TBC1D22B: variants seen among roughly 807,000 people sequenced by gnomAD.
The protein encoded by TBC1D22B is TBC1 domain family member 22B, also known as chromosome 6 open reading frame 197.
Under a neutral mutation model 69.1 loss-of-function variants are expected in TBC1D22B, and 32 were observed. The observed-to-expected ratio is 0.46, with a 90% CI of 0.35 to 0.62. The LOEUF is 0.62. Ranked by LOEUF, TBC1D22B falls within the 20% of genes least tolerant of loss-of-function variation. The pLI is 0.00. For missense variants in TBC1D22B, 462 were observed against 630.9 expected (o/e 0.73, Z 2.87); for synonymous variants, 206 against 229.8 (o/e 0.90, Z 0.94).
chr6:37,269,314 C>G (rs1021773210), intron 1 of TBC1D22B, among the ~76,000 whole-genome samples: 5 of 152,320 alleles, frequency 3.3e-5, no homozygotes, highest in African/African-American at 1.2e-4. Context: ...TCTGCTCTCT[C>G]CAGCTCTAAA....
intron 2 of TBC1D22B, among the ~76,000 whole-genome samples, chr6:37,272,738 A>G (rs1702035334): frequency 6.6e-6 from 1 of 152,192 alleles, no homozygotes; most frequent in Non-Finnish European, 1.5e-5. Flanking sequence ...TGATCGTCCC[A>G]TTAAATAGAA....
At chr6:37,266,140 A>T (rs1766262988) in intron 1 of TBC1D22B, among the ~76,000 whole-genome samples, 1 of 152,126 alleles carries the variant, frequency 6.6e-6, no homozygotes, top group East Asian at 1.9e-4. Flanking sequence ...AAACCTTCTA[A>T]CCTTCTCAAG....
intron 7 of TBC1D22B, among the ~76,000 whole-genome samples, chr6:37,287,580 C>T (rs575446532): frequency 2.0e-5 from 3 of 152,188 alleles, no homozygotes; most frequent in Non-Finnish European, 4.4e-5. Flanking sequence ...CTATTTGTCT[C>T]TAAGAATTTG....
At chr6:37,259,460 TAATC>T (rs1229748246) in intron 1 of TBC1D22B, among the ~76,000 whole-genome samples, 1 of 152,056 alleles carries the variant, frequency 6.6e-6, no homozygotes, top group South Asian at 2.1e-4. Flanking sequence ...ATTATAATCA[TAATC>T]AATAGGAAGA....
rs1466666418 is a variant in TBC1D22B at position 37,275,705 on chromosome 6, CTGGTG to C, written c.114-3598_114-3594del. Among the ~76,000 whole-genome samples the C allele has an allele frequency of 1.7e-3, 259 of 152,170 alleles. 1 individual carries two copies. The highest frequency in any genetic ancestry group is 6.0e-3 in the African/African-American group (250 of 41,522). On this transcript the variant is annotated intron_variant, in intron 2 of 12. Transcript: ENST00000373491. Reference sequence around the variant, plus strand: ...TATATATTAAAATTTAGCATAGGGTCTGGTGAGTATTCAATATTTATGAATATTAT... The same window carrying C: ...TATATATTAAAATTTAGCATAGGGTCAGTATTCAATATTTATGAATATTAT...
intron 1 of TBC1D22B, among the ~76,000 whole-genome samples, chr6:37,267,909 G>A (rs1174869031): frequency 6.6e-6 from 1 of 152,138 alleles, no homozygotes; most frequent in Non-Finnish European, 1.5e-5. Context: ...AGTAAAAGAT[G>A]AAGAAGTCAA....
chr6:37,326,707 G>C (rs1195621477), intron 12 of TBC1D22B, among the ~76,000 whole-genome samples: 1 of 152,088 alleles, frequency 6.6e-6, no homozygotes. Context: ...AGAATTGCTT[G>C]AACCTGGGAG....
At chr6:37,275,215 T>C (rs1766631651) in intron 2 of TBC1D22B, among the ~76,000 whole-genome samples, 1 of 152,184 alleles carries the variant, frequency 6.6e-6, no homozygotes, top group Non-Finnish European at 1.5e-5. Context: ...CTGCAACTAC[T>C]GGGGTCAACA....
At chr6:37,325,504 A>C (rs1768363490) in intron 12 of TBC1D22B, among the ~76,000 whole-genome samples, 1 of 147,930 alleles carries the variant, frequency 6.8e-6, no homozygotes, top group Non-Finnish European at 1.5e-5. Context: ...ATTTGTGATT[A>C]GCACCTTCAT....
chr6:37,270,901 C>A (rs1766465039), intron 2 of TBC1D22B, among the ~76,000 whole-genome samples: 1 of 151,962 alleles, frequency 6.6e-6, no homozygotes, highest in African/African-American at 2.4e-5. Flanking sequence ...CTGGAAAAGG[C>A]AAAACATGGA....
intron 5 of TBC1D22B, 105 bp from the exon 6 acceptor site, chr6:37,284,231 G>C: frequency 6.4e-7 from 1 of 1,569,870 alleles, no homozygotes; most frequent in East Asian, 2.3e-5. Flanking sequence ...ACCCTTGGCA[G>C]TTTTCCTTCT....
At chr6:37,301,954 T>C (rs1767584958) in intron 8 of TBC1D22B, among the ~76,000 whole-genome samples, 1 of 152,146 alleles carries the variant, frequency 6.6e-6, no homozygotes, top group Non-Finnish European at 1.5e-5. Context: ...CTGCCCCATC[T>C]CACTGAATCA....
At chr6:37,316,134 A>G (rs1425576550) in intron 10 of TBC1D22B, among the ~76,000 whole-genome samples, 2 of 152,208 alleles carry the variant, frequency 1.3e-5, no homozygotes, top group African/African-American at 2.4e-5. Flanking sequence ...TATCACACGA[A>G]CACCAAAGGG....
At chr6:37,269,772 C>T in intron 2 of TBC1D22B, 122 bp downstream of exon 2, 10 of 854,326 alleles carry the variant, frequency 1.2e-5, no homozygotes, top group Non-Finnish European at 1.9e-5. Flanking sequence ...CTATTTTGGA[C>T]CAGGAGATGA....
intron 8 of TBC1D22B, among the ~76,000 whole-genome samples, chr6:37,293,083 TA>T (rs199774832): frequency 3.2e-4 from 48 of 148,702 alleles, no homozygotes; most frequent in Admixed American, 3.3e-4. Flanking sequence ...TTATTATTAT[TA>T]TTTTTTTTTT....
At chr6:37,273,665 AGG>A (rs1766573386) in intron 2 of TBC1D22B, among the ~76,000 whole-genome samples, 2 of 152,158 alleles carry the variant, frequency 1.3e-5, no homozygotes, top group Non-Finnish European at 2.9e-5. Context: ...ACAGTTTGGG[AGG>A]AGTTTAGTTG....
chr6:37,264,618 G>T (rs954976722), intron 1 of TBC1D22B, among the ~76,000 whole-genome samples: 1 of 152,096 alleles, frequency 6.6e-6, no homozygotes, highest in East Asian at 1.9e-4. Context: ...CTTATATTAT[G>T]ATCTAAATCT....
At position 37,286,990 on chromosome 6, in the gene TBC1D22B, T is replaced by C. The variant is rs193079382; in HGVS notation, c.802-17T>C. On this transcript the variant is annotated splice_polypyrimidine_tract_variant and intron_variant, in intron 6 of 12. Coordinates refer to ENST00000373491, the MANE Select transcript of TBC1D22B (RefSeq NM_017772.4). ...AAACTGGCATTTGTGTTTTTGGACA[T>C]GCCTTCTCTTTTTCAGATTCACATT... is the stretch of plus-strand genomic sequence containing the variant. 18 of 1,587,702 alleles carry C rather than the reference T, an allele frequency of 1.1e-5. No individual in the cohort carries two copies. The African/African-American group carries it at 2.3e-4, about 21-fold the overall frequency.
intron 8 of TBC1D22B, among the ~76,000 whole-genome samples, chr6:37,307,608 G>A (rs773789423): frequency 2.0e-4 from 30 of 152,100 alleles, no homozygotes; most frequent in Non-Finnish European, 3.7e-4. Context: ...CCTGCCTGGA[G>A]CTCCCAAAGT....
Sources: allele counts gnomAD v4.1 joint callset (sites outside exome capture counted in the v4.1 genomes callset), GRCh38; gene constraint gnomAD v4.1.1; transcripts MANE v1.5; gene names NCBI Gene and HGNC (gene_info 2026-07-23, HGNC 2026-07-21).